Variants in PCDHGB5 observed in about 807,000 individuals in gnomAD.
PCDHGB5 encodes the protein protocadherin gamma-B5.
In PCDHGB5, 48 loss-of-function variants were observed where a neutral mutation model predicts 62.9. The observed-to-expected ratio is 0.76, with a 90% CI of 0.61 to 0.97. The LOEUF (loss-of-function observed/expected upper bound fraction) is 0.97. PCDHGB5 is among the 50% of genes least tolerant of loss of function. The pLI, the probability that PCDHGB5 is intolerant of heterozygous loss-of-function variation, is 0.00. For missense variants in PCDHGB5, 1,118 were observed against 1,198.6 expected (o/e 0.93, Z 0.99); for synonymous variants, 474 against 511.2 (o/e 0.93, Z 0.98).
chr5:141,492,303 G>A (rs969991314), intron 1 of PCDHGB5, among the ~76,000 whole-genome samples: 1 of 152,202 alleles, frequency 6.6e-6, no homozygotes, highest in African/African-American at 2.4e-5. Context: ...GCGGACGCAC[G>A]CACGCACTCC....
chr5:141,423,082 G>T (rs1390567548), intron 1 of PCDHGB5: 3 of 1,614,078 alleles, frequency 1.9e-6, no homozygotes, highest in Non-Finnish European at 2.5e-6. Context: ...GGGACTCTTC[G>T]CGGTGGGGGA....
rs559975786 is a variant in PCDHGB5, at chr5:141,406,591, A to G, written c.2397+6067A>G. Among the ~76,000 whole-genome samples, 5 of 152,282 alleles carry G rather than the reference A, an allele frequency of 3.3e-5. No homozygotes were observed. The East Asian group carries it at 9.6e-4, about 29-fold the overall frequency. On this transcript the variant is annotated intron_variant, in intron 1 of 3. Transcript: ENST00000617380. ...CTAGTAAACCAATTTTTTCCCTTTAATGGTGAAAGTTGTCACATCTTTTAT... is the reference window on the plus strand; with the variant it reads ...CTAGTAAACCAATTTTTTCCCTTTAGTGGTGAAAGTTGTCACATCTTTTAT...
chr5:141,411,366 T>C (rs559840924), intron 1 of PCDHGB5: 1 of 152,208 alleles, frequency 6.6e-6, no homozygotes, highest in South Asian at 2.1e-4. Flanking sequence ...AGCCCAAGAA[T>C]TGAGACCAGC....
intron 1 of PCDHGB5, among the ~76,000 whole-genome samples, chr5:141,437,457 T>C (rs527469937): frequency 7.2e-5 from 11 of 152,358 alleles, no homozygotes; most frequent in Non-Finnish European, 1.5e-4. Flanking sequence ...GAGGAGACTA[T>C]ACTATACTTT....
Position 141,399,916 on chromosome 5 carries a change from A to G in PCDHGB5, c.1789A>G (p.Asn597Asp). ...GGCCGTGGACGCAGACTCAGGACAC[A>G]ACGCCTGGCTGTCCTACCACGTGCT... Reference protein sequence around the residue: ...VVAVDADSGHNAWLSYHVLQA... With the variant: ...VVAVDADSGHDAWLSYHVLQA... Residue 597 changes from asparagine (N) to aspartate (D), a missense_variant, in exon 1 of 4, where the codon AAC becomes GAC. By Grantham distance (23) the Asn-to-Asp change is conservative (BLOSUM62 1). This residue lies in a region of PCDHGB5 where 1,034 missense variants were observed against 1,029.1 expected (regional missense o/e 1.00). Coordinates refer to ENST00000617380, the MANE Select transcript of PCDHGB5 (RefSeq NM_018925.3). The G allele has an allele frequency of 1.9e-6, 3 of 1,612,378 alleles. No individual in the cohort carries two copies. The highest frequency in any genetic ancestry group is 1.7e-6 in the Non-Finnish European group (2 of 1,179,766).
At chr5:141,474,658 A>G (rs950490550) in intron 1 of PCDHGB5, among the ~76,000 whole-genome samples, 13 of 152,176 alleles carry the variant, frequency 8.5e-5, no homozygotes, top group African/African-American at 3.1e-4. Flanking sequence ...CTTCTTTTCT[A>G]CCTACCTAAC....
chr5:141,408,133 T>A, intron 1 of PCDHGB5: 5 of 1,483,848 alleles, frequency 3.4e-6, no homozygotes, highest in Non-Finnish European at 4.5e-6. Context: ...GGCCGAATGC[T>A]CTTTTAGCGC....
chr5:141,421,207 A>G (rs1318794693), intron 1 of PCDHGB5: 3 of 1,533,934 alleles, frequency 2.0e-6, no homozygotes, highest in Non-Finnish European at 2.6e-6. Context: ...GAAACCGCGG[A>G]ATATCGGCTT....
intron 1 of PCDHGB5, chr5:141,426,979 A>G (rs762085745): frequency 4.2e-5 from 19 of 456,640 alleles, no homozygotes; most frequent in Non-Finnish European, 7.5e-5. Flanking sequence ...GAGGTCACTG[A>G]TGCCAACGAT....
rs762979829 is a variant in PCDHGB5, at chr5:141,432,863, T to A, written c.2397+32339T>A. 1 of 1,614,074 alleles carries A rather than the reference T, an allele frequency of 6.2e-7. No individual in the cohort carries two copies. Among genetic ancestry groups the A allele is most frequent in the East Asian group, 2.2e-5 (1 of 44,886 alleles). On this transcript the variant is annotated intron_variant, in intron 1 of 3. Coordinates refer to ENST00000617380, the MANE Select transcript of PCDHGB5 (RefSeq NM_018925.3). The surrounding 1 kb of genome is among the most constrained non-coding windows in gnomAD (Gnocchi z 6.0). ...GGTGGTAGCGGTGGCCGCGGTCTCCTGCGTCTTCCTGGCCTTCGTCATCTT... is the reference window on the plus strand; with the variant it reads ...GGTGGTAGCGGTGGCCGCGGTCTCCAGCGTCTTCCTGGCCTTCGTCATCTT...
intron 1 of PCDHGB5, chr5:141,418,462 C>G: frequency 1.2e-6 from 2 of 1,613,974 alleles, no homozygotes; most frequent in Non-Finnish European, 8.5e-7. Flanking sequence ...AGACTCTGGA[C>G]CGAGAAACGC....
At position 141,491,546 on chromosome 5, in the gene PCDHGB5, C is replaced by T; in HGVS notation, c.2398-3261C>T. ...GAGGTGACGCTGCGGCCCACAGACT[C>T]GCAGAGCCACTGCTACAGGACGTGC... On this transcript the variant is annotated intron_variant, in intron 1 of 3. Transcript: ENST00000617380. This position sits in a 1 kb window ranked among gnomAD's most constrained non-coding sequence, Gnocchi z 6.9. 1.9e-6 allele frequency: 3 copies of T among 1,614,038 alleles called. No homozygotes were observed. Among genetic ancestry groups the T allele is most frequent in the Non-Finnish European group, 2.5e-6 (3 of 1,180,024 alleles).
intron 1 of PCDHGB5, among the ~76,000 whole-genome samples, chr5:141,464,882 A>T (rs1418376370): frequency 6.6e-6 from 1 of 151,918 alleles, no homozygotes; most frequent in Middle Eastern, 3.2e-3. Context: ...AGGACTACAG[A>T]TGGATGCCAC....
chr5:141,430,830 G>C, intron 1 of PCDHGB5: 1 of 1,554,968 alleles, frequency 6.4e-7, no homozygotes, highest in Non-Finnish European at 8.7e-7. Context: ...GGGACTCTGT[G>C]GGAGACCGGA....
chr5:141,494,764 T>A (rs773955144), intron 1 of PCDHGB5, 43 bp from the exon 2 acceptor site: 1 of 1,613,932 alleles, frequency 6.2e-7, no homozygotes, highest in Non-Finnish European at 8.5e-7. Context: ...ACATTCTAAC[T>A]TCTCACGGGT....
chr5:141,431,697 G>T lies in PCDHGB5; in HGVS notation c.2397+31173G>T, dbSNP rs1303639699. 6.2e-7 allele frequency: 1 copy of T among 1,614,206 alleles called. No homozygotes were observed. Among genetic ancestry groups the T allele is most frequent in the Admixed American group, 1.7e-5 (1 of 60,024 alleles). ...GGGGAGTTGGACCACGAGGAGTCAG[G>T]ATTCTACCAGATGGAAGTGCAAGCA... On this transcript the variant is annotated intron_variant, in intron 1 of 3. Transcript: ENST00000617380. This position sits in a 1 kb window ranked among gnomAD's most constrained non-coding sequence, Gnocchi z 4.8.
chr5:141,399,908 C>G lies in PCDHGB5; in HGVS notation c.1781C>G (p.Ser594Ter), dbSNP rs141997055. The G allele has an allele frequency of 1.2e-6, 2 of 1,612,300 alleles. No homozygotes were observed. The highest frequency in any genetic ancestry group is 1.3e-5 in the African/African-American group (1 of 74,888). The change falls in exon 1 of 4, where the codon TCA (serine) becomes TGA (stop). Residue 594 changes from serine (S) to a stop codon, truncating the protein, a stop_gained. Coordinates refer to ENST00000617380, the MANE Select transcript of PCDHGB5 (RefSeq NM_018925.3). LOFTEE classifies it high-confidence loss of function. ...AAGGTAGTGGCCGTGGACGCAGACT[C>G]AGGACACAACGCCTGGCTGTCCTAC... ...VTKVVAVDAD[S>*]GHNAWLSYHV...
chr5:141,432,992 G>A lies in PCDHGB5; in HGVS notation c.2397+32468G>A, dbSNP rs777975384. On this transcript the variant is annotated intron_variant, in intron 1 of 3. Coordinates refer to ENST00000617380, the MANE Select transcript of PCDHGB5 (RefSeq NM_018925.3). The surrounding 1 kb of genome is among the most constrained non-coding windows in gnomAD (Gnocchi z 6.0). The stretch of plus-strand genomic sequence containing the variant: ...GGCGTCGCACTTTGTGGGCGTGGAC[G>A]GGGTGCAGGCTTTCCTGCAGACCTA... 1.9e-6 allele frequency: 3 copies of A among 1,614,174 alleles called. No homozygotes were observed. In the Admixed American group the frequency reaches 5.0e-5, roughly 27 times the overall value.
chr5:141,510,398 G>A (rs2099880972), intron 3 of PCDHGB5, among the ~76,000 whole-genome samples: 1 of 152,064 alleles, frequency 6.6e-6, no homozygotes, highest in African/African-American at 2.4e-5. Flanking sequence ...CTTGGCAAAG[G>A]CTAGGGGCAT....
Sources: gnomAD v4.1 joint callset for allele counts (sites outside exome capture counted in the v4.1 genomes callset) on GRCh38, gnomAD v4.1.1 for gene constraint, gnomAD v4.1.1 regional missense constraint, Gnocchi (gnomAD v3.1) non-coding constraint, MANE v1.5 for transcripts, NCBI Gene and HGNC (gene_info 2026-07-23, HGNC 2026-07-21) for gene names.